Variants in PHF24 observed in about 807,000 individuals in gnomAD.
PHF24 encodes Galpha inhibitory interacting protein.
In PHF24, 25 loss-of-function variants were observed where a neutral mutation model predicts 42.6. That is an observed-to-expected ratio of 0.59 (90% confidence interval 0.43 to 0.82). The LOEUF (loss-of-function observed/expected upper bound fraction) is 0.82. Among genes scored for constraint, PHF24 ranks in the 40% least tolerant of loss-of-function variants. The probability of loss-of-function intolerance (pLI) is 0.00; values close to 1 mark genes in which losing one functional copy is unlikely to be tolerated. For missense variants in PHF24, 470 were observed against 538.1 expected (o/e 0.87, Z 1.25); for synonymous variants, 185 against 204.8 (o/e 0.90, Z 0.83).
the PHF24 span, among the ~76,000 whole-genome samples, chr9:34,929,239 T>A: frequency 6.6e-6 from 1 of 152,224 alleles, no homozygotes; most frequent in African/African-American, 2.4e-5. Flanking sequence ...TTCCCCTTTA[T>A]CATATGCTCC....
At chr9:34,939,960 C>T in the PHF24 span, among the ~76,000 whole-genome samples, 1 of 152,014 alleles carries the variant, frequency 6.6e-6, no homozygotes, top group East Asian at 1.9e-4. Context: ...AGACAAATAC[C>T]GCCACTTTAA....
the PHF24 span, among the ~76,000 whole-genome samples, chr9:34,685,665 T>C: frequency 6.6e-6 from 1 of 152,230 alleles, no homozygotes; most frequent in Admixed American, 6.5e-5. Flanking sequence ...CATTCTCCTC[T>C]GTGCTTCAAA....
the PHF24 span, among the ~76,000 whole-genome samples, chr9:34,683,411 CTTGAACTCCTT>C: frequency 6.6e-6 from 1 of 152,208 alleles, no homozygotes; most frequent in Non-Finnish European, 1.5e-5. Context: ...GTTGAGAATT[CTTGAACTCCTT>C]GGAGATCCAT....
the PHF24 span, among the ~76,000 whole-genome samples, chr9:34,948,960 GA>G: frequency 6.6e-6 from 1 of 152,170 alleles, no homozygotes; most frequent in Non-Finnish European, 1.5e-5. Context: ...ATTATATAAT[GA>G]TAAGCGGGTT....
the PHF24 span, among the ~76,000 whole-genome samples, chr9:34,875,439 G>A: frequency 6.6e-6 from 1 of 152,150 alleles, no homozygotes. Context: ...CACCTTTAGA[G>A]ATTTTTTTTA....
chr9:34,672,503 A>G, the PHF24 span, among the ~76,000 whole-genome samples: 10,864 of 152,238 alleles, frequency 0.071, 515 homozygotes, highest in Non-Finnish European at 0.11. Flanking sequence ...TTTATTTCTT[A>G]CAGTTATGGA....
chr9:34,920,005 A>G, the PHF24 span, among the ~76,000 whole-genome samples: 1 of 152,180 alleles, frequency 6.6e-6, no homozygotes, highest in East Asian at 1.9e-4. Flanking sequence ...ATAGTGCTGC[A>G]ATAAACATGG....
At chr9:34,677,646 C>T in the PHF24 span, among the ~76,000 whole-genome samples, 1 of 152,152 alleles carries the variant, frequency 6.6e-6, no homozygotes, top group Non-Finnish European at 1.5e-5. Context: ...GATCCACCCG[C>T]CTGGGCCTCC....
the PHF24 span, among the ~76,000 whole-genome samples, chr9:34,671,706 A>G: frequency 2.0e-5 from 3 of 152,176 alleles, no homozygotes; most frequent in African/African-American, 4.8e-5. Context: ...GACCCAAGAG[A>G]TAGACCTCTC....
At chr9:34,727,064 A>G in the PHF24 span, 1 of 1,487,700 alleles carries the variant, frequency 6.7e-7, no homozygotes, top group Non-Finnish European at 8.9e-7. Context: ...TGGAGTGGGC[A>G]CTCTCCTTTC....
At chr9:34,780,431 A>T in the PHF24 span, among the ~76,000 whole-genome samples, 1 of 149,198 alleles carries the variant, frequency 6.7e-6, no homozygotes, top group Non-Finnish European at 1.5e-5. Flanking sequence ...CGAGTACAGG[A>T]GCACACCACC....
chr9:34,977,282 C>T (rs1827229679), intron 6 of PHF24, 39 bp downstream of exon 6: 3 of 1,544,546 alleles, frequency 1.9e-6, no homozygotes, highest in African/African-American at 1.4e-5. Context: ...CTCAGCCTCT[C>T]CTCCTCCCTT....
chr9:34,820,306 G>T, the PHF24 span, among the ~76,000 whole-genome samples: 1 of 152,030 alleles, frequency 6.6e-6, no homozygotes, highest in Non-Finnish European at 1.5e-5. Flanking sequence ...GAACACAGGA[G>T]TTTGTTATGC....
chr9:34,666,842 A>G, the PHF24 span, among the ~76,000 whole-genome samples: 1 of 152,146 alleles, frequency 6.6e-6, no homozygotes, highest in Non-Finnish European at 1.5e-5. Context: ...GCTACTCGGG[A>G]GGCTGAGGCA....
chr9:34,829,293 G>A, the PHF24 span, among the ~76,000 whole-genome samples: 1 of 152,182 alleles, frequency 6.6e-6, no homozygotes, highest in East Asian at 1.9e-4. Context: ...GGATGATGGT[G>A]GTGGGTGGGC....
chr9:34,846,706 T>G, the PHF24 span, among the ~76,000 whole-genome samples: 2 of 152,220 alleles, frequency 1.3e-5, no homozygotes, highest in African/African-American at 4.8e-5. Context: ...ATGCCCAGGT[T>G]TTCTTCTAGG....
intron 2 of PHF24, among the ~76,000 whole-genome samples, 175 bp downstream of exon 2, chr9:34,971,851 G>A (rs1827000642): frequency 6.6e-6 from 1 of 152,202 alleles, no homozygotes; most frequent in African/African-American, 2.4e-5. Context: ...ATTCATCTTA[G>A]TGAAAGGCTT....
At chr9:34,891,730 A>G in the PHF24 span, among the ~76,000 whole-genome samples, 1 of 152,160 alleles carries the variant, frequency 6.6e-6, no homozygotes, top group African/African-American at 2.4e-5. Flanking sequence ...GACTTCCCCA[A>G]TCAAAGAGTG....
the PHF24 span, chr9:34,709,518 CCCTTT>C: frequency 6.2e-7 from 1 of 1,614,132 alleles, no homozygotes; most frequent in Non-Finnish European, 8.5e-7. Context: ...GCCTTTGGAG[CCCTTT>C]CCTTTCTTGC....
Sources: gnomAD v4.1 joint callset for allele counts (sites outside exome capture counted in the v4.1 genomes callset) on GRCh38, gnomAD v4.1.1 for gene constraint, MANE v1.5 for transcripts, NCBI Gene and HGNC (gene_info 2026-07-23, HGNC 2026-07-21) for gene names.